NXPE4: variants seen among roughly 807,000 people sequenced by gnomAD.
The protein encoded by NXPE4 is neurexophilin and PC-esterase domain family member 4.
NXPE4 carries 42 observed loss-of-function variants against 33.3 expected under a neutral mutation model. That is an observed-to-expected ratio of 1.26 (90% CI 0.98 to 1.63). The LOEUF (loss-of-function observed/expected upper bound fraction) is 1.63, where lower values mean the gene tolerates loss of function less well. Ranked by LOEUF, NXPE4 falls within the 40% of genes most tolerant of loss-of-function variation. NXPE4 has a pLI of 0.00. For missense variants in NXPE4, 709 were observed against 647.6 expected, an observed-to-expected ratio of 1.09 and a Z score of -1.03; for synonymous variants, 253 against 234.9, an observed-to-expected ratio of 1.08 and a Z score of -0.71.
chr11:114,656,711 T>A, the NXPE4 span, among the ~76,000 whole-genome samples: 1 of 152,056 alleles, frequency 6.6e-6, no homozygotes, highest in African/African-American at 2.4e-5. Flanking sequence ...GAGAGCCAAA[T>A]CATGAAATTA....
the NXPE4 span, among the ~76,000 whole-genome samples, chr11:114,644,185 A>G: frequency 6.6e-6 from 1 of 152,170 alleles, no homozygotes; most frequent in African/African-American, 2.4e-5. Flanking sequence ...TAAATATACA[A>G]TCATGGCATC....
At position 114,582,971 on chromosome 11, in the gene NXPE4, G is replaced by A. The variant is rs1171390665; in HGVS notation, c.147C>T (p.Ser49=). ...GTGTTTTAGGGAATAAGGACTTTGTGGAGTTGTTCCAGTAATGGAGGGAGA... is the reference window on the plus strand; with the variant it reads ...GTGTTTTAGGGAATAAGGACTTTGTAGAGTTGTTCCAGTAATGGAGGGAGA... The part of the protein sequence containing the change: ...LSISLHYWNN[S]TKSLFPKTPL... The change falls in exon 3 of 6, where the codon TCC becomes TCT. Residue 49 remains serine (S), a synonymous_variant. Coordinates refer to ENST00000375478, the MANE Select transcript of NXPE4 (RefSeq NM_001077639.2). The A allele has an allele frequency of 2.5e-6, 4 of 1,613,986 alleles. No homozygotes were observed. The highest frequency in any genetic ancestry group is 2.2e-5 in the East Asian group (1 of 44,884).
chr11:114,574,995 T>C (rs1948965686), intron 5 of NXPE4, among the ~76,000 whole-genome samples: 1 of 152,108 alleles, frequency 6.6e-6, no homozygotes, highest in African/African-American at 2.4e-5. Flanking sequence ...TAATCCACCA[T>C]GATCAAGTGG....
chr11:114,633,150 A>C, the NXPE4 span, among the ~76,000 whole-genome samples: 2,148 of 123,978 alleles, frequency 0.017, 74 homozygotes, highest in African/African-American at 0.065. Context: ...TATTTTATAT[A>C]TTTGGTATTT....
the NXPE4 span, among the ~76,000 whole-genome samples, chr11:114,628,518 G>A: frequency 6.6e-6 from 1 of 151,776 alleles, no homozygotes; most frequent in African/African-American, 2.4e-5. Context: ...CACATTCAAA[G>A]CAGTGTGTAG....
At chr11:114,633,848 T>C in the NXPE4 span, among the ~76,000 whole-genome samples, 2 of 152,204 alleles carry the variant, frequency 1.3e-5, no homozygotes, top group East Asian at 3.9e-4. Context: ...CCACATTATC[T>C]TAATCCAGTC....
At chr11:114,581,266 C>T (rs1226409076) in intron 4 of NXPE4, among the ~76,000 whole-genome samples, 2 of 152,018 alleles carry the variant, frequency 1.3e-5, no homozygotes, top group African/African-American at 2.4e-5. Context: ...ATTTTTTATG[C>T]TAACAATTGT....
At chr11:114,607,471 C>A in the NXPE4 span, among the ~76,000 whole-genome samples, 1 of 151,754 alleles carries the variant, frequency 6.6e-6, no homozygotes, top group Non-Finnish European at 1.5e-5. Context: ...ATAAATATTG[C>A]CTCATGGGTG....
the NXPE4 span, among the ~76,000 whole-genome samples, chr11:114,660,833 TA>T: frequency 6.6e-6 from 1 of 152,150 alleles, no homozygotes; most frequent in Non-Finnish European, 1.5e-5. Context: ...TATGATTATC[TA>T]AATAGAAAAT....
chr11:114,623,043 GATA>G, the NXPE4 span, among the ~76,000 whole-genome samples: 11 of 152,284 alleles, frequency 7.2e-5, no homozygotes, highest in African/African-American at 1.9e-4. Context: ...TTACCCGGTG[GATA>G]ATAAGTGTTG....
At chr11:114,608,754 A>G in the NXPE4 span, among the ~76,000 whole-genome samples, 2 of 151,034 alleles carry the variant, frequency 1.3e-5, no homozygotes, top group African/African-American at 4.9e-5. Context: ...CCCAATGGAT[A>G]ATAAGTACTG....
At chr11:114,581,946 AG>A (rs919557915) in intron 3 of NXPE4, among the ~76,000 whole-genome samples, 160 bp from the exon 4 acceptor site, 12 of 152,320 alleles carry the variant, frequency 7.9e-5, no homozygotes, top group Admixed American at 3.3e-4. Flanking sequence ...TTTGCCTATT[AG>A]GCTATGGGAT....
intron 2 of NXPE4, among the ~76,000 whole-genome samples, chr11:114,594,175 A>T (rs1949525572): frequency 6.6e-6 from 1 of 152,142 alleles, no homozygotes; most frequent in Non-Finnish European, 1.5e-5. Flanking sequence ...TAGCTAAAAG[A>T]GTATAATTGT....
At chr11:114,650,301 A>T in the NXPE4 span, among the ~76,000 whole-genome samples, 99 of 152,332 alleles carry the variant, frequency 6.5e-4, no homozygotes, top group African/African-American at 2.3e-3. Context: ...GTTAAACGCC[A>T]AATGTGAGCT....
At chr11:114,608,185 G>A in the NXPE4 span, among the ~76,000 whole-genome samples, 4 of 151,872 alleles carry the variant, frequency 2.6e-5, no homozygotes, top group African/African-American at 9.7e-5. Context: ...TTGCCTCGTG[G>A]GTAACCATGG....
At chr11:114,625,123 C>T in the NXPE4 span, among the ~76,000 whole-genome samples, 10 of 152,192 alleles carry the variant, frequency 6.6e-5, no homozygotes, top group African/African-American at 2.2e-4. Flanking sequence ...TCATGGGTAA[C>T]CACTTCTAAT....
the NXPE4 span, among the ~76,000 whole-genome samples, chr11:114,663,296 C>A: frequency 1.3e-5 from 2 of 152,250 alleles, no homozygotes; most frequent in East Asian, 1.9e-4. Flanking sequence ...CCATTAATAT[C>A]CATTGTAGCC....
At chr11:114,623,606 T>C in the NXPE4 span, among the ~76,000 whole-genome samples, 1 of 151,822 alleles carries the variant, frequency 6.6e-6, no homozygotes, top group Non-Finnish European at 1.5e-5. Context: ...TGTTGCCTCA[T>C]GGGTTACCCG....
At position 114,580,078 on chromosome 11, in the gene NXPE4, A is replaced by G. The variant is rs148996073; in HGVS notation, c.1099+54T>C. 1.6e-3 allele frequency: 2,258 copies of G among 1,439,420 alleles called. 3 individuals are homozygous for G. Among genetic ancestry groups the G allele is most frequent in the Non-Finnish European group, 2.1e-3 (2,133 of 1,023,530 alleles). The allele number at this position is 1,439,420 out of a possible 1,614,324, so 89.2% of individuals were successfully genotyped here. Reference sequence around the variant, plus strand: ...CCCATATTCCCTTCTCCCCTTTGAAATGGAAAAGAAGTTTCTGAAAGGGGT... The same window carrying G: ...CCCATATTCCCTTCTCCCCTTTGAAGTGGAAAAGAAGTTTCTGAAAGGGGT... On this transcript the variant is annotated intron_variant, in intron 5 of 5. Transcript: ENST00000375478.
Sources: gnomAD v4.1 joint callset for allele counts (sites outside exome capture counted in the v4.1 genomes callset) on GRCh38, gnomAD v4.1.1 for gene constraint, MANE v1.5 for transcripts, NCBI Gene and HGNC (gene_info 2026-07-23, HGNC 2026-07-21) for gene names.